Variants in ELOB observed in about 807,000 individuals in gnomAD.
The protein encoded by ELOB is elongin-B.
ELOB carries 3 observed loss-of-function variants against 12.9 expected under a neutral mutation model. The observed-to-expected ratio is 0.23, with a 90% CI of 0.11 to 0.60. ELOB has a LOEUF of 0.60. Among genes scored for constraint, ELOB ranks in the 20% least tolerant of loss-of-function variants. The pLI is 0.89. For synonymous variants in ELOB, 84 were observed against 67.4 expected, an observed-to-expected ratio of 1.25 and a Z score of -1.21; for missense variants, 126 against 159.2, an observed-to-expected ratio of 0.79 and a Z score of 1.12.
chr16:2,777,173 G>T, intron 1 of ELOB, 46 bp from the exon 2 acceptor site: 2 of 1,136,178 alleles, frequency 1.8e-6, no homozygotes. Context: ...GGCCCCCCGC[G>T]CGGCCCAGCC....
At chr16:2,777,180 A>AGCCGCCCCCCGCCGCCCCCC (rs1336686934) in intron 1 of ELOB, 53 bp from the exon 2 acceptor site, 1 of 896,804 alleles carries the variant, frequency 1.1e-6, no homozygotes, top group Non-Finnish European at 1.3e-6. Context: ...CGCGCGGCCC[A>AGCCGCCCCCCGCCGCCCCCC]GCCGCCCCCC....
At chr16:2,777,190 CGCCGCCCCCGGCCCGGCCCG>C (rs1567258285) in intron 1 of ELOB, 27 bp downstream of exon 1, 2 of 1,007,226 alleles carry the variant, frequency 2.0e-6, no homozygotes, top group Non-Finnish European at 2.4e-6. Context: ...AGCCGCCCCC[CGCCGCCCCCGGCCCGGCCCG>C]GCCGCCCCTC....
In ELOB at chr16:2,772,116, A is replaced by G. The variant is rs2068761772; in HGVS notation, c.245-14T>C. On this transcript the variant is annotated splice_polypyrimidine_tract_variant and intron_variant, in intron 3 of 3. Coordinates refer to ENST00000409906, the MANE Select transcript of ELOB (RefSeq NM_007108.4). ...CAAAGGTGTCATCTGTGGAGGAAGC[A>G]GCAGAGCTGCAGGGGGGTATTCCAG... 2 of 1,590,952 alleles carry G rather than the reference A, an allele frequency of 1.3e-6. No individual in the cohort carries two copies. Among genetic ancestry groups the G allele is most frequent in the Non-Finnish European group, 8.6e-7 (1 of 1,167,068 alleles).
rs749390944 is a variant in ELOB, at chr16:2,771,947, C to T, written c.*43G>A. 4.1e-5 allele frequency: 65 copies of T among 1,590,734 alleles called. No individual in the cohort carries two copies. The highest frequency in any genetic ancestry group is 2.2e-4 in the Middle Eastern group (1 of 4,502). ...AAAAGAGGCAGCAACCAGGCAGACTCCCAAATCTCTTTTATTGGGGGAAAT... is the reference window on the plus strand; with the variant it reads ...AAAAGAGGCAGCAACCAGGCAGACTTCCAAATCTCTTTTATTGGGGGAAAT... On this transcript the variant is annotated 3_prime_UTR_variant, in exon 4 of 4. Transcript: ENST00000409906.
chr16:2,772,378 G>GA, intron 3 of ELOB: 2 of 255,374 alleles, frequency 7.8e-6, no homozygotes, highest in Admixed American at 1.0e-4. Context: ...CCACTAGTGA[G>GA]TCTGAGGGCT....
At chr16:2,773,060 T>A (rs2068776431) in intron 3 of ELOB, among the ~76,000 whole-genome samples, 1 of 152,130 alleles carries the variant, frequency 6.6e-6, no homozygotes, top group Non-Finnish European at 1.5e-5. Flanking sequence ...TTTGACTGGC[T>A]CCAGGAAGGC....
At chr16:2,776,934 C>T in intron 2 of ELOB, 59 bp downstream of exon 2, 1 of 1,520,018 alleles carries the variant, frequency 6.6e-7, no homozygotes, top group Non-Finnish European at 8.9e-7. Context: ...ACAGCGTAGG[C>T]GTCAGCCCCG....
intron 3 of ELOB, among the ~76,000 whole-genome samples, chr16:2,774,583 C>T (rs1224134082): frequency 6.6e-6 from 1 of 152,236 alleles, no homozygotes; most frequent in Non-Finnish European, 1.5e-5. Context: ...CCTCTTCAGC[C>T]TTTGCTATGT....
rs774259338 is a variant in ELOB, at chr16:2,771,445, T to G, written c.*545A>C. 1.2e-6 allele frequency: 2 copies of G among 1,614,108 alleles called. No individual in the cohort carries two copies. The highest frequency in any genetic ancestry group is 8.5e-7 in the Non-Finnish European group (1 of 1,179,992). On this transcript the variant is annotated 3_prime_UTR_variant, in exon 4 of 4. Transcript: ENST00000409906. ...TGTAGACTGTTTATTAAAGGTGTGT[T>G]AAGGGGGCAGCCACTTCCCTCCGTG...
chr16:2,776,895 G>A (rs1338918486), intron 2 of ELOB, 98 bp downstream of exon 2: 19 of 1,420,024 alleles, frequency 1.3e-5, no homozygotes, highest in Non-Finnish European at 1.7e-5. Flanking sequence ...GCCCGCAGGC[G>A]TCGCCGGCCG....
chr16:2,772,160 C>T, intron 3 of ELOB, 58 bp from the exon 4 acceptor site: 2 of 1,504,570 alleles, frequency 1.3e-6, no homozygotes. Context: ...CCAGCTGGGG[C>T]CTTGGTGTTC....
intron 2 of ELOB, 26 bp downstream of exon 2, chr16:2,776,967 C>A: frequency 6.5e-7 from 1 of 1,545,914 alleles, no homozygotes; most frequent in Non-Finnish European, 8.7e-7. Flanking sequence ...GGTACCCGCT[C>A]CCCTCGGCCC....
rs553919891 is a variant in ELOB at position 2,771,561 on chromosome 16, TTG to T, written c.*427_*428del. ...GTCAAACCAGGACACTGGCTCCAGC[TTG>T]TGTTTCTGCTCTTGGCCATCGTCTG... On this transcript the variant is annotated 3_prime_UTR_variant, in exon 4 of 4. Transcript: ENST00000409906. 1.5e-4 allele frequency: 241 copies of T among 1,614,152 alleles called. 1 individual carries two copies. The Middle Eastern group carries it at 1.6e-3, about 11-fold the overall frequency.
chr16:2,771,420 T>C lies in ELOB; in HGVS notation c.*570A>G. On this transcript the variant is annotated 3_prime_UTR_variant, in exon 4 of 4. Coordinates refer to ENST00000409906, the MANE Select transcript of ELOB (RefSeq NM_007108.4). ...AAATGAGAAATGCAGGAACTGGGTCTGTAGACTGTTTATTAAAGGTGTGTT... is the reference window on the plus strand; with the variant it reads ...AAATGAGAAATGCAGGAACTGGGTCCGTAGACTGTTTATTAAAGGTGTGTT... 6.2e-7 allele frequency: 1 copy of C among 1,613,532 alleles called. No homozygotes were observed. The highest frequency in any genetic ancestry group is 1.1e-5 in the South Asian group (1 of 91,058).
chr16:2,771,612 G>C lies in ELOB; in HGVS notation c.*378C>G, dbSNP rs770041121. The C allele has an allele frequency of 1.2e-6, 2 of 1,613,948 alleles. No homozygotes were observed. The highest frequency in any genetic ancestry group is 1.7e-6 in the Non-Finnish European group (2 of 1,180,008). The stretch of plus-strand genomic sequence containing the variant: ...TGGGAGTGGACATGCAGGCTATGGG[G>C]GTGGGGGGCACTTAGAAGGAGAAAG... On this transcript the variant is annotated 3_prime_UTR_variant, in exon 4 of 4. Transcript: ENST00000409906.
intron 2 of ELOB, among the ~76,000 whole-genome samples, chr16:2,776,642 G>C (rs2068802421): frequency 6.6e-6 from 1 of 152,256 alleles, no homozygotes; most frequent in Non-Finnish European, 1.5e-5. Flanking sequence ...TGGGGATTAA[G>C]GGGTCGTGGT....
rs780255123 is a variant in ELOB at position 2,771,625 on chromosome 16, TAGA to T, written c.*362_*364del. ...GCAGGCTATGGGGGTGGGGGGCACT[TAGA>T]AGGAGAAAGGCCTAAAACTGGAATC... On this transcript the variant is annotated 3_prime_UTR_variant, in exon 4 of 4. Coordinates refer to ENST00000409906, the MANE Select transcript of ELOB (RefSeq NM_007108.4). The T allele has an allele frequency of 2.4e-5, 39 of 1,613,018 alleles. No individual in the cohort carries two copies. In the Middle Eastern group the frequency reaches 5.1e-4, roughly 21 times the overall value.
rs182010806 is a variant in ELOB, at chr16:2,773,211, A to C, written c.245-1109T>G. On this transcript the variant is annotated intron_variant, in intron 3 of 3. Transcript: ENST00000409906. ...CTCAACTGATCAGGCATCCCAGGGA[A>C]AGCTGGAATGCCTGATCACAGTTGT... Among the ~76,000 whole-genome samples the C allele has an allele frequency of 2.0e-3, 306 of 152,154 alleles. 2 individuals are homozygous for C. The highest frequency in any genetic ancestry group is 9.1e-3 in the South Asian group (44 of 4,814).
Sources: gnomAD v4.1 joint callset for allele counts (sites outside exome capture counted in the v4.1 genomes callset) on GRCh38, gnomAD v4.1.1 for gene constraint, MANE v1.5 for transcripts, NCBI Gene and HGNC (gene_info 2026-07-23, HGNC 2026-07-21) for gene names.